The following NEDD9 variants were observed in gnomAD, a reference collection of about 807,000 sequenced individuals.
NEDD9 encodes the protein neural precursor cell expressed, developmentally down-regulated 9.
A neutral mutation model predicts 76.6 loss-of-function variants in NEDD9; 26 were observed. The ratio of observed to expected loss-of-function variants is 0.34; its 90% CI spans 0.25 to 0.47. The LOEUF is 0.47. Ranked by LOEUF, NEDD9 falls within the 20% of genes least tolerant of loss-of-function variation. The pLI is 1.00. For missense variants in NEDD9, 937 were observed against 1,058.5 expected, an observed-to-expected ratio of 0.89 and a Z score of 1.59; for synonymous variants, 392 against 414.2, an observed-to-expected ratio of 0.95 and a Z score of 0.65.
intron 1 of NEDD9, among the ~76,000 whole-genome samples, chr6:11,361,352 G>A (rs1347425961): frequency 1.3e-5 from 2 of 152,154 alleles, no homozygotes; most frequent in Non-Finnish European, 2.9e-5. Context: ...AAAGCTCAGA[G>A]GCTTCTGCTT....
chr6:11,228,349 A>G (rs1222201291), intron 1 of NEDD9, among the ~76,000 whole-genome samples: 1 of 152,034 alleles, frequency 6.6e-6, no homozygotes, highest in African/African-American at 2.4e-5. Context: ...TGACCAACAC[A>G]GTGAAACCCA....
chr6:11,193,416 C>A (rs1191955300), intron 3 of NEDD9, among the ~76,000 whole-genome samples, 175 bp downstream of exon 3: 1 of 152,024 alleles, frequency 6.6e-6, no homozygotes, highest in African/African-American at 2.4e-5. Flanking sequence ...AAAGCAAATC[C>A]AGAAAACATA....
At chr6:11,363,485 A>T (rs867881972) in intron 1 of NEDD9, among the ~76,000 whole-genome samples, 11 of 152,172 alleles carry the variant, frequency 7.2e-5, no homozygotes, top group East Asian at 1.9e-4. Context: ...ATGGGGGGGA[A>T]GTCTGAAATA....
chr6:11,319,420 T>A (rs1041954910), intron 2 of NEDD9, among the ~76,000 whole-genome samples: 4 of 146,388 alleles, frequency 2.7e-5, no homozygotes, highest in African/African-American at 1.0e-4. Flanking sequence ...TCACATACAG[T>A]CACACATGCA....
chr6:11,301,243 A>G (rs1761038108), intron 3 of NEDD9, among the ~76,000 whole-genome samples: 1 of 152,208 alleles, frequency 6.6e-6, no homozygotes, highest in Non-Finnish European at 1.5e-5. Context: ...CAGACTTTAA[A>G]CCAACAAAGA....
At position 11,223,187 on chromosome 6, in the gene NEDD9, G is replaced by A. The variant is rs183526178; in HGVS notation, c.12+9317C>T. On this transcript the variant is annotated intron_variant, in intron 1 of 6. Coordinates refer to ENST00000379446, the MANE Select transcript of NEDD9 (RefSeq NM_006403.4). Reference sequence around the variant, plus strand: ...TTGAGAAACCCTGGATAGAGGAATGGACACCAGACTGAATTAGGAGGGTCT... The same window carrying A: ...TTGAGAAACCCTGGATAGAGGAATGAACACCAGACTGAATTAGGAGGGTCT... Among the ~76,000 whole-genome samples the A allele has an allele frequency of 2.2e-3, 331 of 152,304 alleles. 1 individual carries two copies. Among genetic ancestry groups the A allele is most frequent in the Non-Finnish European group, 2.2e-3 (147 of 68,028 alleles).
chr6:11,361,425 A>G (rs1196929920), intron 1 of NEDD9, among the ~76,000 whole-genome samples: 1 of 152,112 alleles, frequency 6.6e-6, no homozygotes, highest in Non-Finnish European at 1.5e-5. Context: ...GGTACGTCAC[A>G]TGGTGAAAGC....
intron 1 of NEDD9, among the ~76,000 whole-genome samples, 163 bp downstream of exon 1, chr6:11,232,341 C>T (rs1192197513): frequency 2.7e-5 from 4 of 147,468 alleles, no homozygotes; most frequent in Non-Finnish European, 6.0e-5. Flanking sequence ...GACCGGGTCT[C>T]TGCTTGCTTG....
At position 11,228,529 on chromosome 6, in the gene NEDD9, CAAAAAAAG is replaced by C. The variant is rs202220052; in HGVS notation, c.12+3967_12+3974del. 5.5e-3 allele frequency among the ~76,000 whole-genome samples: 799 copies of C among 145,158 alleles called. 18 individuals are homozygous for C. Among genetic ancestry groups the C allele is most frequent in the East Asian group, 0.033 (160 of 4,922 alleles). ...TGGGCGACAGAGTGAGACTTGATCT[CAAAAAAAG>C]AAAAAAAGAAAAGTGGAGAGGAAGG... is the stretch of plus-strand genomic sequence containing the variant. On this transcript the variant is annotated intron_variant, in intron 1 of 6. Coordinates refer to ENST00000379446, the MANE Select transcript of NEDD9 (RefSeq NM_006403.4).
chr6:11,346,542 G>T (rs1461878695), intron 1 of NEDD9, among the ~76,000 whole-genome samples: 1 of 151,974 alleles, frequency 6.6e-6, no homozygotes, highest in Non-Finnish European at 1.5e-5. Flanking sequence ...AATTATGATG[G>T]ATACACTAGA....
chr6:11,303,178 C>T (rs1000142059), intron 3 of NEDD9, among the ~76,000 whole-genome samples: 1 of 152,182 alleles, frequency 6.6e-6, no homozygotes, highest in African/African-American at 2.4e-5. Context: ...TTTCAGGATA[C>T]AAAATCAATG....
chr6:11,286,802 G>C (rs1297944219), intron 3 of NEDD9, among the ~76,000 whole-genome samples: 2 of 152,206 alleles, frequency 1.3e-5, no homozygotes, highest in Admixed American at 1.3e-4. Context: ...ATTAACGGTT[G>C]CCTAGGAATG....
chr6:11,234,313 A>G (rs1759556366), upstream of NEDD9, among the ~76,000 whole-genome samples: 1 of 152,196 alleles, frequency 6.6e-6, no homozygotes, highest in South Asian at 2.1e-4. Context: ...TACCTGGATA[A>G]AGGAGGACAA....
chr6:11,189,790 C>G (rs554427314), intron 5 of NEDD9, among the ~76,000 whole-genome samples, 174 bp downstream of exon 5: 51 of 152,288 alleles, frequency 3.3e-4, no homozygotes, highest in African/African-American at 1.2e-3. Context: ...ACTCAGGACT[C>G]TCAGCCCAGC....
chr6:11,250,028 G>A lies in NEDD9; in HGVS notation c.13-36301C>T, dbSNP rs192695030. ...GGCTGTCTGGGTCCTGAAGTGGGCG[G>A]TGAGCTCCCCCACTGCCTGTCACTC... On this transcript the variant is annotated intron_variant, in intron 3 of 3. Coordinates refer to the NEDD9 transcript ENST00000397378. Among the ~76,000 whole-genome samples, 343 of 152,326 alleles carry A rather than the reference G, an allele frequency of 2.3e-3. 1 individual carries two copies. Among genetic ancestry groups the A allele is most frequent in the African/African-American group, 7.6e-3 (318 of 41,572 alleles).
intron 2 of NEDD9, among the ~76,000 whole-genome samples, chr6:11,316,717 A>G (rs1175848808): frequency 6.6e-6 from 1 of 152,224 alleles, no homozygotes; most frequent in East Asian, 1.9e-4. Flanking sequence ...GTTGAGAATT[A>G]TAAGGAAGGT....
chr6:11,204,738 G>GAA (rs1268912263), intron 2 of NEDD9, among the ~76,000 whole-genome samples: 1 of 115,800 alleles, frequency 8.6e-6, no homozygotes, highest in African/African-American at 3.3e-5. Context: ...AAAAAAAAAA[G>GAA]AAAGAAAGAA....
intron 1 of NEDD9, among the ~76,000 whole-genome samples, chr6:11,337,501 G>A (rs1044837985): frequency 6.6e-5 from 10 of 152,152 alleles, no homozygotes; most frequent in African/African-American, 2.4e-4. Context: ...ATGTTAGGAT[G>A]GCTACAATGC....
In NEDD9 at chr6:11,185,244, T is replaced by G. The variant is rs1291630276; in HGVS notation, c.2423A>C (p.Gln808Pro). The G allele has an allele frequency of 1.2e-6, 2 of 1,614,172 alleles. No homozygotes were observed. The highest frequency in any genetic ancestry group is 1.7e-6 in the Non-Finnish European group (2 of 1,180,034). ...ALHYPSTTAL[Q>P]EMVHQVTDLS... ...GTCTGTCACTTGGTGCACCATTTCCTGCAGGGCCGTGGTGCTGGGGTAATG... is the reference window on the plus strand; with the variant it reads ...GTCTGTCACTTGGTGCACCATTTCCGGCAGGGCCGTGGTGCTGGGGTAATG... The change falls in exon 7 of 7, where the codon CAG becomes CCG. Residue 808 changes from glutamine (Q) to proline (P), a missense_variant. Physicochemically the swap from Gln to Pro is moderately conservative, Grantham distance 76. Coordinates refer to ENST00000379446, the MANE Select transcript of NEDD9 (RefSeq NM_006403.4).
Sources: allele counts gnomAD v4.1 joint callset (sites outside exome capture counted in the v4.1 genomes callset), GRCh38; gene constraint gnomAD v4.1.1; transcripts MANE v1.5; gene names NCBI Gene and HGNC (gene_info 2026-07-23, HGNC 2026-07-21).